The following GPCPD1 variants were observed in gnomAD, a reference collection of about 807,000 sequenced individuals.
GPCPD1 encodes glycerophosphocholine phosphodiesterase GPCPD1.
In GPCPD1, 29 loss-of-function variants were observed where a neutral mutation model predicts 89.2. That is an observed-to-expected ratio of 0.33 (90% CI 0.24 to 0.44). The LOEUF (loss-of-function observed/expected upper bound fraction) is 0.44. Among genes scored for constraint, GPCPD1 ranks in the 20% least tolerant of loss-of-function variants. The probability of loss-of-function intolerance (pLI) is 1.00; values close to 1 mark genes in which losing one functional copy is unlikely to be tolerated. For missense variants in GPCPD1, 594 were observed against 808.9 expected, an observed-to-expected ratio of 0.73 and a Z score of 3.22; for synonymous variants, 258 against 266.3, an observed-to-expected ratio of 0.97 and a Z score of 0.30.
chr20:5,566,627 AT>A lies in GPCPD1; in HGVS notation c.1267+105del, dbSNP rs1378740836. 1.9e-5 allele frequency: 14 copies of A among 729,440 alleles called. No individual in the cohort carries two copies. The East Asian group carries it at 3.5e-4, about 18-fold the overall frequency. 45.2% of individuals were successfully genotyped at this position (729,440 alleles called of 1,614,324 possible). A position where few individuals can be genotyped will look rare whatever the true frequency, so the allele number is the denominator to read the frequency against. ...AATTACATTTAGAAGGCCCAGTATT[AT>A]ACTCATAAAAATGACCAAGTATCAA... is the stretch of plus-strand genomic sequence containing the variant. On this transcript the variant is annotated intron_variant, in intron 14 of 19. Coordinates refer to ENST00000379019, the MANE Select transcript of GPCPD1 (RefSeq NM_019593.5).
At position 5,558,815 on chromosome 20, in the gene GPCPD1, G is replaced by A. The variant is rs770440181; in HGVS notation, c.1537C>T (p.Arg513Trp). Residue 513 changes from arginine to tryptophan, a missense_variant, in exon 18 of 20, where the codon CGG (arginine) becomes TGG (tryptophan). By Grantham distance (101) the Arg-to-Trp change is moderately radical (BLOSUM62 -3). Coordinates refer to ENST00000379019, the MANE Select transcript of GPCPD1 (RefSeq NM_019593.5). Reference protein sequence around the residue: ...SFDADICTMVRQKQNKYPILF... With the variant: ...SFDADICTMVWQKQNKYPILF... Reference sequence around the variant, plus strand: ...ATCGGATATTTGTTCTGCTTTTGCCGAACCCTGAAAAGAAACAATTTTAAA... The same window carrying A: ...ATCGGATATTTGTTCTGCTTTTGCCAAACCCTGAAAAGAAACAATTTTAAA... 3.2e-6 allele frequency: 5 copies of A among 1,557,886 alleles called. No homozygotes were observed. Among genetic ancestry groups the A allele is most frequent in the East Asian group, 2.3e-5 (1 of 43,256 alleles).
intron 11 of GPCPD1, among the ~76,000 whole-genome samples, chr20:5,571,690 C>G (rs1986727037): frequency 6.6e-6 from 1 of 152,106 alleles, no homozygotes; most frequent in Non-Finnish European, 1.5e-5. Flanking sequence ...AGTCAGATCA[C>G]CTGAGGTAAG....
intron 1 of GPCPD1, 103 bp from the exon 2 acceptor site, chr20:5,604,543 C>T (rs1225881183): frequency 2.6e-6 from 1 of 391,786 alleles, no homozygotes; most frequent in Admixed American, 6.2e-5. Context: ...TTTTTAAAAG[C>T]AATATTTAAT....
intron 15 of GPCPD1, among the ~76,000 whole-genome samples, chr20:5,561,975 G>A (rs557476583): frequency 5.3e-5 from 8 of 152,312 alleles, no homozygotes; most frequent in African/African-American, 1.9e-4. Flanking sequence ...TGAAGGTGAT[G>A]ATGCTAAACA....
chr20:5,557,895 G>A (rs1316163434), intron 19 of GPCPD1, 50 bp downstream of exon 19: 1 of 1,002,822 alleles, frequency 1.0e-6, no homozygotes, highest in Admixed American at 2.4e-5. Context: ...TTCGTAAGAT[G>A]AAATCTATAC....
At chr20:5,563,170 C>T (rs551148011) in intron 15 of GPCPD1, among the ~76,000 whole-genome samples, 16 of 152,052 alleles carry the variant, frequency 1.1e-4, no homozygotes, top group South Asian at 2.1e-4. Context: ...TTAATAGAGA[C>T]GGGGTTTCAC....
chr20:5,550,079 G>T (rs1985294179), intron 19 of GPCPD1, among the ~76,000 whole-genome samples: 1 of 151,958 alleles, frequency 6.6e-6, no homozygotes, highest in Non-Finnish European at 1.5e-5. Flanking sequence ...TGTAGGCCCA[G>T]CTACTTGGGA....
chr20:5,587,530 G>C (rs1239894445), intron 4 of GPCPD1, among the ~76,000 whole-genome samples: 1 of 152,052 alleles, frequency 6.6e-6, no homozygotes, highest in Non-Finnish European at 1.5e-5. Flanking sequence ...ACCACACCCA[G>C]GTAATTTTTG....
At chr20:5,552,775 A>G (rs1244788096) in intron 19 of GPCPD1, among the ~76,000 whole-genome samples, 1 of 152,216 alleles carries the variant, frequency 6.6e-6, no homozygotes, top group Admixed American at 6.5e-5. Flanking sequence ...TACAATTTTA[A>G]AACCAAACTA....
At chr20:5,580,171 GT>G (rs765429922) in intron 6 of GPCPD1, 40 bp from the exon 7 acceptor site, 11 of 1,156,864 alleles carry the variant, frequency 9.5e-6, no homozygotes, top group African/African-American at 6.3e-5. Flanking sequence ...TATTATACAT[GT>G]TTTTTTAAAC....
intron 19 of GPCPD1, among the ~76,000 whole-genome samples, chr20:5,555,587 T>A (rs1600715245): frequency 2.0e-5 from 3 of 152,224 alleles, no homozygotes; most frequent in African/African-American, 7.2e-5. Context: ...CAGGGCGCGG[T>A]GGCTCACACC....
chr20:5,603,740 C>T (rs1980344457), intron 2 of GPCPD1, among the ~76,000 whole-genome samples: 1 of 149,864 alleles, frequency 6.7e-6, no homozygotes, highest in Admixed American at 6.7e-5. Flanking sequence ...GTTTCACCAA[C>T]TTATTCTTTT....
At chr20:5,592,509 G>C (rs182775328) in intron 4 of GPCPD1, among the ~76,000 whole-genome samples, 1 of 152,288 alleles carries the variant, frequency 6.6e-6, no homozygotes, top group Admixed American at 6.5e-5. Context: ...TGGTGGCTAA[G>C]AGCACGAGGT....
rs914891868 is a variant in GPCPD1, at chr20:5,557,973, G to C, written c.1801C>G (p.Leu601Val). The C allele has an allele frequency of 7.5e-6, 12 of 1,597,810 alleles. No homozygotes were observed. The highest frequency in any genetic ancestry group is 1.0e-5 in the Non-Finnish European group (12 of 1,166,980). The change falls in exon 19 of 20, where the codon CTT becomes GTT. Residue 601 changes from leucine to valine, a missense_variant. Transcript: ENST00000379019. ...DPENRRKLKE[L>V]GVNGLIYDRI... Reference sequence around the variant, plus strand: ...TCATAAATTAGACCATTAACTCCAAGTTCCTTCAATTTCCTTCTGTTTTCA... The same window carrying C: ...TCATAAATTAGACCATTAACTCCAACTTCCTTCAATTTCCTTCTGTTTTCA...
intron 3 of GPCPD1, among the ~76,000 whole-genome samples, chr20:5,595,595 C>T (rs1167086091): frequency 6.6e-6 from 1 of 152,066 alleles, no homozygotes; most frequent in Non-Finnish European, 1.5e-5. Context: ...GAGCCCAGAT[C>T]GCGCCACTGT....
chr20:5,565,194 G>C (rs1600729592), intron 14 of GPCPD1, 116 bp from the exon 15 acceptor site: 1 of 660,546 alleles, frequency 1.5e-6, no homozygotes, highest in East Asian at 2.6e-5. Context: ...GTGTGTGTGA[G>C]CAAGCGCGAG....
intron 8 of GPCPD1, among the ~76,000 whole-genome samples, chr20:5,577,793 G>C (rs551052620): frequency 6.6e-6 from 1 of 152,138 alleles, no homozygotes; most frequent in African/African-American, 2.4e-5. Flanking sequence ...AAGGACCTTA[G>C]GGGATGTACC....
At chr20:5,594,024 A>G (rs1020834611) in intron 3 of GPCPD1, among the ~76,000 whole-genome samples, 1 of 152,234 alleles carries the variant, frequency 6.6e-6, no homozygotes, top group African/African-American at 2.4e-5. Context: ...TTTCAGGCCA[A>G]TGTCTTTCTC....
At chr20:5,583,235 A>G (rs1348554070) in intron 6 of GPCPD1, among the ~76,000 whole-genome samples, 1 of 151,380 alleles carries the variant, frequency 6.6e-6, no homozygotes, top group Non-Finnish European at 1.5e-5. Context: ...CAAAAAAAAA[A>G]AAAAAAAAAA....
Sources: allele counts gnomAD v4.1 joint callset (sites outside exome capture counted in the v4.1 genomes callset), GRCh38; gene constraint gnomAD v4.1.1; transcripts MANE v1.5; gene names NCBI Gene and HGNC (gene_info 2026-07-23, HGNC 2026-07-21).